THSD4: variants seen among roughly 807,000 people sequenced by gnomAD.
THSD4 encodes thrombospondin type 1 domain containing 4.
A neutral mutation model predicts 119.0 loss-of-function variants in THSD4; 69 were observed. The observed-to-expected ratio is 0.58, with a 90% CI of 0.48 to 0.71. THSD4 has a LOEUF of 0.71. Ranked by LOEUF, THSD4 falls within the 30% of genes least tolerant of loss-of-function variation. THSD4 has a pLI of 0.00. For missense variants in THSD4, 1,393 were observed against 1,391.1 expected (o/e 1.00, Z -0.02); for synonymous variants, 524 against 540.4 (o/e 0.97, Z 0.42).
intron 7 of THSD4, among the ~76,000 whole-genome samples, chr15:71,522,903 T>C (rs1472247255): frequency 6.6e-6 from 1 of 152,208 alleles, no homozygotes; most frequent in Non-Finnish European, 1.5e-5. Context: ...AACAACTTAA[T>C]GGGACTTCAG....
At chr15:71,286,249 T>C (rs1394174820) in intron 6 of THSD4, among the ~76,000 whole-genome samples, 2 of 152,222 alleles carry the variant, frequency 1.3e-5, no homozygotes, top group Admixed American at 6.5e-5. Flanking sequence ...ACAGATTACT[T>C]CATCACCCAG....
At chr15:71,774,045 G>T (rs1297669765) in intron 17 of THSD4, among the ~76,000 whole-genome samples, 1 of 152,148 alleles carries the variant, frequency 6.6e-6, no homozygotes, top group African/African-American at 2.4e-5. Context: ...GGGTGCGGTG[G>T]CTCATACCTG....
chr15:71,397,925 C>A (rs2046474470), intron 6 of THSD4, among the ~76,000 whole-genome samples: 1 of 152,120 alleles, frequency 6.6e-6, no homozygotes, highest in Non-Finnish European at 1.5e-5. Context: ...TCATTATAAT[C>A]AATTTAGGAA....
intron 15 of THSD4, among the ~76,000 whole-genome samples, chr15:71,761,797 T>C (rs1010280250): frequency 1.3e-5 from 2 of 152,210 alleles, no homozygotes; most frequent in Non-Finnish European, 2.9e-5. Flanking sequence ...TTCTGAGCCC[T>C]TGAATACCTG....
chr15:71,558,159 C>G (rs1225276147), intron 7 of THSD4, among the ~76,000 whole-genome samples: 1 of 152,138 alleles, frequency 6.6e-6, no homozygotes, highest in Non-Finnish European at 1.5e-5. Context: ...AAAACCCCAT[C>G]TCTACTAAAA....
At chr15:71,601,052 T>C (rs1318612498) in intron 7 of THSD4, among the ~76,000 whole-genome samples, 2 of 152,126 alleles carry the variant, frequency 1.3e-5, no homozygotes, top group African/African-American at 2.4e-5. Flanking sequence ...CAACCTATCA[T>C]GCCTATCTTA....
chr15:71,290,876 T>A (rs2044782173), intron 6 of THSD4, among the ~76,000 whole-genome samples: 1 of 13,764 alleles, frequency 7.3e-5, no homozygotes, highest in Non-Finnish European at 1.8e-4. Flanking sequence ...CCTTTTTTCC[T>A]TTTTTTTTTT....
chr15:71,395,954 A>ACAC (rs1566968379), intron 6 of THSD4, among the ~76,000 whole-genome samples: 3,703 of 108,594 alleles, frequency 0.034, 69 homozygotes, highest in African/African-American at 0.044. Flanking sequence ...CACACACACA[A>ACAC]ACACAGACTT....
chr15:71,641,113 T>A lies in THSD4; in HGVS notation c.1153-19417T>A, dbSNP rs969055683. Among the ~76,000 whole-genome samples, 8 of 152,276 alleles carry A rather than the reference T, an allele frequency of 5.3e-5. No homozygotes were observed. In the South Asian group the frequency reaches 1.7e-3, roughly 32 times the overall value. On this transcript the variant is annotated intron_variant, in intron 7 of 17. Coordinates refer to ENST00000261862, the MANE Select transcript of THSD4 (RefSeq NM_024817.3). ...CCTTCCATCTTCAGTCAACTGCTAA[T>A]GTAATGAGCTAAGATTTACTGAGTG...
chr15:71,121,086 G>T (rs1185386222), intron 1 of THSD4, among the ~76,000 whole-genome samples: 1 of 152,200 alleles, frequency 6.6e-6, no homozygotes, highest in African/African-American at 2.4e-5. Flanking sequence ...CAAATTTGTA[G>T]TTGCCAGACA....
At chr15:71,502,978 A>G (rs1247983867) in intron 7 of THSD4, among the ~76,000 whole-genome samples, 1 of 152,236 alleles carries the variant, frequency 6.6e-6, no homozygotes. Context: ...TGCATTATAT[A>G]GTGTAAGTTG....
rs1566991531 is a variant in THSD4 at position 71,459,364 on chromosome 15, GTCTCTCTGTCTCTCTGTCTCTC to G, written c.1152+47549_1152+47570del. Among the ~76,000 whole-genome samples, 254 of 91,564 alleles carry G rather than the reference GTCTCTCTGTCTCTCTGTCTCTC, an allele frequency of 2.8e-3. 11 individuals are homozygous for G. The South Asian group carries it at 0.11, about 40-fold the overall frequency. 60.1% of individuals were successfully genotyped at this position (91,564 alleles called of 152,430 possible). A position where few individuals can be genotyped will look rare whatever the true frequency, so the allele number is the denominator to read the frequency against. ...TCTCTCTGTCTCTCTCTCTCTCTCT[GTCTCTCTGTCTCTCTGTCTCTC>G]TCTCTCTCTCTCTCTCTCTGTCTCT... On this transcript the variant is annotated intron_variant, in intron 7 of 17. Transcript: ENST00000261862.
chr15:71,560,719 T>C (rs531081603), intron 7 of THSD4, among the ~76,000 whole-genome samples: 1 of 152,346 alleles, frequency 6.6e-6, no homozygotes, highest in South Asian at 2.1e-4. Flanking sequence ...TATGCTCTTA[T>C]ATTTCTTAGG....
chr15:71,642,806 G>T (rs1047441965), intron 7 of THSD4, among the ~76,000 whole-genome samples: 64 of 151,978 alleles, frequency 4.2e-4, no homozygotes, highest in African/African-American at 1.5e-3. Context: ...GTTGTGGGGT[G>T]GGGGGAGTGG....
intron 7 of THSD4, among the ~76,000 whole-genome samples, chr15:71,605,767 A>G (rs998156595): frequency 6.6e-6 from 1 of 152,204 alleles, no homozygotes; most frequent in East Asian, 1.9e-4. Flanking sequence ...GGAGAGCTTC[A>G]GGTTGGAGAT....
At chr15:71,657,289 C>T (rs976389273) in intron 7 of THSD4, among the ~76,000 whole-genome samples, 6 of 152,098 alleles carry the variant, frequency 3.9e-5, no homozygotes, top group Admixed American at 2.6e-4. Flanking sequence ...TTACGTGTTT[C>T]GATCTTGTCA....
intron 6 of THSD4, among the ~76,000 whole-genome samples, chr15:71,306,801 C>T (rs1401846148): frequency 1.3e-5 from 2 of 152,174 alleles, no homozygotes; most frequent in Non-Finnish European, 2.9e-5. Context: ...ATTGCTTAAC[C>T]TTGTGTTTGC....
intron 7 of THSD4, among the ~76,000 whole-genome samples, chr15:71,478,063 A>G (rs2047677545): frequency 1.3e-5 from 2 of 152,166 alleles, no homozygotes; most frequent in African/African-American, 2.4e-5. Context: ...TTCCTTAAAG[A>G]TGTTGCTCAT....
intron 7 of THSD4, among the ~76,000 whole-genome samples, chr15:71,455,089 A>T (rs1442333079): frequency 6.6e-6 from 1 of 152,124 alleles, no homozygotes; most frequent in African/African-American, 2.4e-5. Flanking sequence ...CCATGAGAAA[A>T]TTCCTGCCTG....
Sources: allele counts gnomAD v4.1 joint callset (sites outside exome capture counted in the v4.1 genomes callset), GRCh38; gene constraint gnomAD v4.1.1; transcripts MANE v1.5; gene names NCBI Gene and HGNC (gene_info 2026-07-23, HGNC 2026-07-21).